Variants in HIRA observed in about 807,000 individuals in gnomAD.
The protein encoded by HIRA is protein HIRA.
A neutral mutation model predicts 126.6 loss-of-function variants in HIRA; 13 were observed. The ratio of observed to expected loss-of-function variants is 0.10; its 90% confidence interval spans 0.07 to 0.16. The LOEUF is 0.16. Among genes scored for constraint, HIRA ranks in the 10% least tolerant of loss-of-function variants. The probability of loss-of-function intolerance (pLI) is 1.00; values close to 1 mark genes in which losing one functional copy is unlikely to be tolerated. For missense variants in HIRA, 834 were observed against 1,314.4 expected (o/e 0.63, Z 5.65); for synonymous variants, 511 against 520.0 (o/e 0.98, Z 0.24).
At chr22:19,339,016 A>G (rs992023273) in intron 24 of HIRA, among the ~76,000 whole-genome samples, 1 of 152,230 alleles carries the variant, frequency 6.6e-6, no homozygotes, top group African/African-American at 2.4e-5. Context: ...TTTCATCAGC[A>G]CATGGAACAT....
At chr22:19,369,706 C>T (rs188069186) in intron 15 of HIRA, among the ~76,000 whole-genome samples, 45 of 152,244 alleles carry the variant, frequency 3.0e-4, no homozygotes, top group Non-Finnish European at 6.0e-4. Context: ...CCGAGGTGGG[C>T]GCATCACTTG....
intron 4 of HIRA, among the ~76,000 whole-genome samples, chr22:19,406,514 G>A (rs1293965098): frequency 6.6e-6 from 1 of 152,288 alleles, no homozygotes; most frequent in Admixed American, 6.5e-5. Flanking sequence ...CTGACACACC[G>A]ATGATCAGAG....
intron 24 of HIRA, among the ~76,000 whole-genome samples, chr22:19,344,004 G>A (rs1370564764): frequency 6.6e-6 from 1 of 151,776 alleles, no homozygotes; most frequent in African/African-American, 2.4e-5. Flanking sequence ...GAGCCACCAC[G>A]CCTGGCTGAA....
chr22:19,405,611 C>T (rs762105200), intron 5 of HIRA, 175 bp downstream of exon 5: 67 of 679,822 alleles, frequency 9.9e-5, no homozygotes, highest in Non-Finnish European at 1.2e-4. Context: ...GTAGTGGACC[C>T]GGTGACTGCA....
chr22:19,419,218 C>T (rs2089424222), intron 1 of HIRA, among the ~76,000 whole-genome samples: 1 of 152,164 alleles, frequency 6.6e-6, no homozygotes, highest in South Asian at 2.1e-4. Flanking sequence ...CTGATCTTTC[C>T]AAGAAACCTG....
chr22:19,397,516 GAGA>G (rs959963381), intron 6 of HIRA, among the ~76,000 whole-genome samples: 45 of 152,210 alleles, frequency 3.0e-4, no homozygotes, highest in African/African-American at 1.1e-3. Flanking sequence ...GCTGAAATAT[GAGA>G]AGAATTTTAC....
At chr22:19,426,180 C>A (rs1601865413) in intron 1 of HIRA, among the ~76,000 whole-genome samples, 2 of 152,192 alleles carry the variant, frequency 1.3e-5, no homozygotes, top group South Asian at 4.1e-4. Context: ...TCTCCCTGAG[C>A]ATCTCACCAA....
In HIRA at chr22:19,398,091, A is replaced by T; in HGVS notation, c.398-4T>A. 9 of 1,612,072 alleles carry T rather than the reference A, an allele frequency of 5.6e-6. No individual in the cohort carries two copies. The highest frequency in any genetic ancestry group is 7.6e-6 in the Non-Finnish European group (9 of 1,178,274). On this transcript the variant is annotated splice_region_variant and splice_polypyrimidine_tract_variant and intron_variant, in intron 5 of 24. Transcript: ENST00000263208. ...GACCATGCTACATCCATCACATCTG[A>T]AAGAAGACAGAGGGTTCTGGTGAGA...
At chr22:19,398,236 A>G in intron 5 of HIRA, 149 bp from the exon 6 acceptor site, 1 of 621,298 alleles carries the variant, frequency 1.6e-6, no homozygotes, top group Non-Finnish European at 2.9e-6. Context: ...GAATTTTTCA[A>G]TTGGTCATAA....
At chr22:19,396,112 G>A (rs1034787895) in intron 7 of HIRA, among the ~76,000 whole-genome samples, 3 of 152,136 alleles carry the variant, frequency 2.0e-5, no homozygotes, top group African/African-American at 4.8e-5. Flanking sequence ...CTCTGCGGGA[G>A]GCTCAGAGTA....
In HIRA at chr22:19,355,764, T is replaced by C; in HGVS notation, c.2557A>G (p.Thr853Ala). Reference sequence around the variant, plus strand: ...ACTGGGGGTCAGCTTGCTTACCATGTGGAAAGTGACGGATTAAAGCAGTAC... The same window carrying C: ...ACTGGGGGTCAGCTTGCTTACCATGCGGAAAGTGACGGATTAAAGCAGTAC... ...KAYCFNPSLSTWNLVSDKQDS... is the reference protein window; with the variant it reads ...KAYCFNPSLSAWNLVSDKQDS... Residue 853 changes from threonine (T) to alanine (A), a missense_variant, in exon 21 of 25, where the codon ACA becomes GCA. Physicochemically the swap from Thr to Ala is moderately conservative, Grantham distance 58. Around this residue, in one of 5 missense-constraint regions of HIRA, gnomAD observed 468 missense variants for 574.2 expected, o/e 0.82. Coordinates refer to ENST00000263208, the MANE Select transcript of HIRA (RefSeq NM_003325.4). 6.2e-7 allele frequency: 1 copy of C among 1,610,506 alleles called. No homozygotes were observed. The highest frequency in any genetic ancestry group is 8.5e-7 in the Non-Finnish European group (1 of 1,176,812).
At chr22:19,421,525 G>C (rs1263338984) in intron 1 of HIRA, among the ~76,000 whole-genome samples, 1 of 151,994 alleles carries the variant, frequency 6.6e-6, no homozygotes, top group African/African-American at 2.4e-5. Flanking sequence ...CAAATGGTTT[G>C]AAAGACCACA....
intron 16 of HIRA, 83 bp from the exon 17 acceptor site, chr22:19,361,424 G>A (rs2088862875): frequency 8.5e-7 from 1 of 1,169,858 alleles, no homozygotes; most frequent in South Asian, 1.3e-5. Context: ...CAGAAGTGAG[G>A]CTGAGCCTGC....
In HIRA at chr22:19,408,488, T is replaced by C; in HGVS notation, c.206A>G (p.His69Arg). Residue 69 changes from histidine (H) to arginine (R), a missense_variant, in exon 3 of 25, where the codon CAC becomes CGC. By Grantham distance (29) the His-to-Arg change is conservative (BLOSUM62 0). This residue lies in a region of HIRA where 102 missense variants were observed against 191.4 expected (regional missense o/e 0.53). Coordinates refer to ENST00000263208, the MANE Select transcript of HIRA (RefSeq NM_003325.4). ...AAAGGGCCACTCTGTAATACCTAAGTGATTGTCCATCTGGCAAAGCATCTT... is the reference window on the plus strand; with the variant it reads ...AAAGGGCCACTCTGTAATACCTAAGCGATTGTCCATCTGGCAAAGCATCTT... ...IPKMLCQMDN[H>R]LACVNCVRWS... The C allele has an allele frequency of 6.2e-7, 1 of 1,601,622 alleles. No homozygotes were observed. The highest frequency in any genetic ancestry group is 8.6e-7 in the Non-Finnish European group (1 of 1,168,626).
At chr22:19,394,693 A>G (rs2089208751) in intron 7 of HIRA, among the ~76,000 whole-genome samples, 184 bp from the exon 8 acceptor site, 1 of 152,234 alleles carries the variant, frequency 6.6e-6, no homozygotes, top group Non-Finnish European at 1.5e-5. Flanking sequence ...GCTCTGTGAA[A>G]TGAATTTGGA....
At chr22:19,399,537 G>A (rs1212209927) in intron 5 of HIRA, among the ~76,000 whole-genome samples, 4 of 151,904 alleles carry the variant, frequency 2.6e-5, no homozygotes, top group Non-Finnish European at 4.4e-5. Flanking sequence ...TTTTGGGCCC[G>A]TGTGTATTTG....
At chr22:19,384,427 T>A (rs2089106104) in intron 12 of HIRA, among the ~76,000 whole-genome samples, 1 of 152,050 alleles carries the variant, frequency 6.6e-6, no homozygotes, top group South Asian at 2.1e-4. Context: ...TTTTTATATG[T>A]CAATTGTACT....
chr22:19,385,414 C>T, intron 12 of HIRA, 107 bp downstream of exon 12: 1 of 1,094,010 alleles, frequency 9.1e-7, no homozygotes, highest in Non-Finnish European at 1.3e-6. Context: ...CCCACAGATC[C>T]CGTACCACTC....
intron 15 of HIRA, among the ~76,000 whole-genome samples, chr22:19,363,156 C>T (rs1215809297): frequency 6.6e-6 from 1 of 151,320 alleles, no homozygotes; most frequent in African/African-American, 2.4e-5. Context: ...ATTGCTTGAA[C>T]CCAGGAGGCA....
Sources: allele counts gnomAD v4.1 joint callset (sites outside exome capture counted in the v4.1 genomes callset), GRCh38; gene constraint gnomAD v4.1.1; regional missense constraint gnomAD v4.1.1; transcripts MANE v1.5; gene names NCBI Gene and HGNC (gene_info 2026-07-23, HGNC 2026-07-21).